TUT7: variants seen among roughly 807,000 people sequenced by gnomAD.
TUT7 encodes the protein terminal uridylyltransferase 7.
TUT7 carries 33 observed loss-of-function variants against 165.9 expected under a neutral mutation model. The observed-to-expected ratio is 0.20, with a 90% CI of 0.15 to 0.27. The LOEUF is 0.27. Among genes scored for constraint, TUT7 ranks in the 10% least tolerant of loss-of-function variants. The probability of loss-of-function intolerance (pLI) is 1.00; values close to 1 mark genes in which losing one functional copy is unlikely to be tolerated. For synonymous variants in TUT7, 552 were observed against 608.1 expected, an observed-to-expected ratio of 0.91 and a Z score of 1.36; for missense variants, 1,338 against 1,762.3, an observed-to-expected ratio of 0.76 and a Z score of 4.31.
intron 26 of TUT7, among the ~76,000 whole-genome samples, chr9:86,293,521 T>C (rs981127444): frequency 6.6e-6 from 1 of 151,962 alleles, no homozygotes; most frequent in Admixed American, 6.6e-5. Context: ...ATGGTAATAA[T>C]AGGAATTCAA....
At chr9:86,322,783 G>A in intron 13 of TUT7, 90 bp downstream of exon 13, 1 of 1,413,240 alleles carries the variant, frequency 7.1e-7, no homozygotes, top group East Asian at 2.4e-5. Flanking sequence ...TACCAAAATA[G>A]GAAAATTCCT....
Position 86,295,846 on chromosome 9 carries a change from G to GT in TUT7, c.4420+5429dup, listed in dbSNP as rs769654002. On this transcript the variant is annotated intron_variant, in intron 26 of 26. Coordinates refer to ENST00000375963, the MANE Select transcript of TUT7 (RefSeq NM_024617.4). ...TGGAATAAATAAATAGACAGAGGTAGTTTTTTTTTTGTTTTTTGTTTTTTC... is the reference window on the plus strand; with the variant it reads ...TGGAATAAATAAATAGACAGAGGTAGTTTTTTTTTTTGTTTTTTGTTTTTTC... Among the ~76,000 whole-genome samples the GT allele has an allele frequency of 9.3e-4, 138 of 147,898 alleles. 1 individual carries two copies. The East Asian group carries it at 0.016, about 17-fold the overall frequency.
rs1037358159 is a variant in TUT7, at chr9:86,338,868, T to C, written c.1290A>G (p.Glu430=). 1.9e-6 allele frequency: 3 copies of C among 1,611,636 alleles called. No homozygotes were observed. The highest frequency in any genetic ancestry group is 2.5e-6 in the Non-Finnish European group (3 of 1,178,938). The part of the protein sequence containing the change: ...TKHLTALGKL[E]PKLVPLVIAF... ...CAATCACCAAAGGAACCAGCTTTGG[T>C]TCTAGTTTTCCAAGGGCAGTTAAAT... is the stretch of plus-strand genomic sequence containing the variant. Residue 430 remains glutamate (E), a synonymous_variant, in exon 9 of 27, where the codon GAA becomes GAG. Coordinates refer to ENST00000375963, the MANE Select transcript of TUT7 (RefSeq NM_024617.4).
At chr9:86,293,425 G>A (rs1826043775) in intron 26 of TUT7, among the ~76,000 whole-genome samples, 1 of 152,052 alleles carries the variant, frequency 6.6e-6, no homozygotes, top group Non-Finnish European at 1.5e-5. Context: ...CAGCCTGGGC[G>A]ACAGTGAGAC....
chr9:86,327,281 C>T (rs905878745), intron 11 of TUT7, among the ~76,000 whole-genome samples: 1 of 152,210 alleles, frequency 6.6e-6, no homozygotes, highest in South Asian at 2.1e-4. Flanking sequence ...ATCTAGACTA[C>T]AGGAACTTAA....
chr9:86,342,506 G>A (rs1831407136), intron 6 of TUT7, among the ~76,000 whole-genome samples: 1 of 151,960 alleles, frequency 6.6e-6, no homozygotes, highest in Non-Finnish European at 1.5e-5. Flanking sequence ...TGAACTTCTG[G>A]GCTCGTGATC....
Position 86,353,241 on chromosome 9 carries a change from G to A in TUT7, c.-31-11C>T, listed in dbSNP as rs769624008. ...TTTCTTACTTTGCACCTGAAAGAAG[G>A]TATTTTGGGGAAATATCAAACTATA... is the stretch of plus-strand genomic sequence containing the variant. On this transcript the variant is annotated splice_polypyrimidine_tract_variant and intron_variant, in intron 1 of 26. Transcript: ENST00000375963. 3 of 1,516,824 alleles carry A rather than the reference G, an allele frequency of 2.0e-6. No individual in the cohort carries two copies. The highest frequency in any genetic ancestry group is 1.4e-5 in the African/African-American group (1 of 71,742). 94.0% of individuals were successfully genotyped at this position (1,516,824 alleles called of 1,614,324 possible). A position where few individuals can be genotyped will look rare whatever the true frequency, so the allele number is the denominator to read the frequency against.
Position 86,323,170 on chromosome 9 carries a change from A to G in TUT7, c.2580T>C (p.Pro860=). ...DDEEEEEEEE[P]RLTINQREDE... ...CTTCCCTTTGGTTAATGGTGAGCCT[A>G]GGTTCTTCTTCCTCCTCCTCTTCTT... The change falls in exon 13 of 27, where the codon CCT becomes CCC. Residue 860 remains proline (P), a synonymous_variant. Transcript: ENST00000375963. The G allele has an allele frequency of 6.2e-7, 1 of 1,614,126 alleles. No homozygotes were observed. The highest frequency in any genetic ancestry group is 8.5e-7 in the Non-Finnish European group (1 of 1,180,026).
chr9:86,324,654 A>C (rs1829629046), intron 12 of TUT7: 1 of 152,192 alleles, frequency 6.6e-6, no homozygotes. Context: ...AATTCCATTT[A>C]GGAGGTTCTT....
intron 26 of TUT7, among the ~76,000 whole-genome samples, chr9:86,292,909 C>CTACTGTACTGTAGTTTTACTACTG (rs1472621363): frequency 6.6e-6 from 1 of 152,158 alleles, no homozygotes; most frequent in Non-Finnish European, 1.5e-5. Flanking sequence ...AGTAGTTTTA[C>CTACTGTACTGTAGTTTTACTACTG]TACTGTAGCA....
intron 2 of TUT7, among the ~76,000 whole-genome samples, chr9:86,351,193 T>C (rs1832271837): frequency 6.6e-6 from 1 of 151,484 alleles, no homozygotes; most frequent in East Asian, 1.9e-4. Context: ...CCCAGCACTT[T>C]GGGAGGCCAA....
In TUT7 at chr9:86,323,765, G is replaced by A. The variant is rs1829543633; in HGVS notation, c.1985C>T (p.Pro662Leu). 1.9e-6 allele frequency: 3 copies of A among 1,613,710 alleles called. No homozygotes were observed. The highest frequency in any genetic ancestry group is 1.7e-5 in the Admixed American group (1 of 59,936). The change falls in exon 13 of 27, where the codon CCA (proline) becomes CTA (leucine). Residue 662 changes from proline to leucine, a missense_variant. Around this residue, in one of 7 missense-constraint regions of TUT7, gnomAD observed 425 missense variants for 474.9 expected, o/e 0.89. Coordinates refer to ENST00000375963, the MANE Select transcript of TUT7 (RefSeq NM_024617.4). Reference sequence around the variant, plus strand: ...CTTATCATCTTTTGTTTGTACATCTGGATGATGATTTATTACTTCTTTAGA... The same window carrying A: ...CTTATCATCTTTTGTTTGTACATCTAGATGATGATTTATTACTTCTTTAGA... Reference protein sequence around the residue: ...EHSKEVINHHPDVQTKDDKLK... With the variant: ...EHSKEVINHHLDVQTKDDKLK...
Position 86,288,411 on chromosome 9 carries a change from T to TA in TUT7, c.*265dup, listed in dbSNP as rs538071134. 8.0e-6 allele frequency: 2 copies of TA among 249,986 alleles called. No homozygotes were observed. The highest frequency in any genetic ancestry group is 1.3e-4 in the South Asian group (1 of 7,700). The allele number at this position is 249,986 out of a possible 1,614,324, so 15.5% of individuals were successfully genotyped here. A position where few individuals can be genotyped will look rare whatever the true frequency, so the allele number is the denominator to read the frequency against. On this transcript the variant is annotated 3_prime_UTR_variant, in exon 27 of 27. Transcript: ENST00000375963. ...TATTCACTGAATACCGGTCCATAGTTATATTTTTTCTTTTAACGTGGCTTA... is the reference window on the plus strand; with the variant it reads ...TATTCACTGAATACCGGTCCATAGTTAATATTTTTTCTTTTAACGTGGCTTA...
In TUT7 at chr9:86,337,409, T is replaced by G. The variant is rs1158020559; in HGVS notation, c.1455+10A>C. 5 of 1,595,258 alleles carry G rather than the reference T, an allele frequency of 3.1e-6. No homozygotes were observed. The African/African-American group carries it at 6.8e-5, about 22-fold the overall frequency. ...TGTTCAGATATATAAGCAAAAAAAA[T>G]GTTTTATACCCATGATCCTAGATAT... On this transcript the variant is annotated intron_variant, in intron 10 of 26. Transcript: ENST00000375963.
intron 24 of TUT7, among the ~76,000 whole-genome samples, chr9:86,304,219 AAC>A (rs1400958401): frequency 6.6e-6 from 1 of 152,182 alleles, no homozygotes; most frequent in Non-Finnish European, 1.5e-5. Flanking sequence ...GTGCTCCATA[AAC>A]TGTATGTCAA....
rs186013408 is a variant in TUT7 at position 86,293,763 on chromosome 9, C to T, written c.4421-5019G>A. ...TTTATATAAATGGTGCTCTTCCAACCTGGGCCCATGTGTTCCTGAGCCTAC... is the reference window on the plus strand; with the variant it reads ...TTTATATAAATGGTGCTCTTCCAACTTGGGCCCATGTGTTCCTGAGCCTAC... On this transcript the variant is annotated intron_variant, in intron 26 of 26. Transcript: ENST00000375963. 5.3e-5 allele frequency among the ~76,000 whole-genome samples: 8 copies of T among 152,290 alleles called. No individual in the cohort carries two copies. The East Asian group carries it at 1.5e-3, about 29-fold the overall frequency.
intron 1 of TUT7, among the ~76,000 whole-genome samples, chr9:86,354,018 C>CCTG (rs573838567): frequency 2.6e-4 from 40 of 152,220 alleles, no homozygotes; most frequent in Non-Finnish European, 5.3e-4. Flanking sequence ...TCCCTGCACT[C>CCTG]CTGGCCAAGA....
At chr9:86,294,126 A>C (rs1027003651) in intron 26 of TUT7, among the ~76,000 whole-genome samples, 87 of 152,252 alleles carry the variant, frequency 5.7e-4, no homozygotes, top group African/African-American at 2.1e-3. Flanking sequence ...ATGTCTGTGA[A>C]TGCCTTTGTG....
chr9:86,315,909 T>C (rs1215080796), intron 17 of TUT7, among the ~76,000 whole-genome samples: 1 of 152,178 alleles, frequency 6.6e-6, no homozygotes, highest in Non-Finnish European at 1.5e-5. Flanking sequence ...CAACATGGTA[T>C]GTACTTTATT....
Sources: gnomAD v4.1 joint callset for allele counts (sites outside exome capture counted in the v4.1 genomes callset) on GRCh38, gnomAD v4.1.1 for gene constraint, gnomAD v4.1.1 regional missense constraint, MANE v1.5 for transcripts, NCBI Gene and HGNC (gene_info 2026-07-23, HGNC 2026-07-21) for gene names.